NRXN3: variants seen among roughly 807,000 people sequenced by gnomAD.
The protein encoded by NRXN3 is neurexin 3.
In NRXN3, 32 loss-of-function variants were observed where a neutral mutation model predicts 137.6. The ratio of observed to expected loss-of-function variants is 0.23; its 90% CI spans 0.18 to 0.31. The LOEUF is 0.31. Ranked by LOEUF, NRXN3 falls within the 10% of genes least tolerant of loss-of-function variation. The probability of loss-of-function intolerance (pLI) is 1.00; values close to 1 mark genes in which losing one functional copy is unlikely to be tolerated. For synonymous variants in NRXN3, 798 were observed against 784.5 expected, an observed-to-expected ratio of 1.02 and a Z score of -0.29; for missense variants, 1,574 against 2,062.5, an observed-to-expected ratio of 0.76 and a Z score of 4.59.
intron 16 of NRXN3, among the ~76,000 whole-genome samples, chr14:79,502,870 C>G (rs1382275357): frequency 1.3e-5 from 2 of 151,878 alleles, no homozygotes; most frequent in East Asian, 3.9e-4. Flanking sequence ...CATTTGCCAT[C>G]AGATTTAGAG....
chr14:79,663,306 A>G (rs767235852), intron 16 of NRXN3, among the ~76,000 whole-genome samples: 1 of 151,846 alleles, frequency 6.6e-6, no homozygotes, highest in South Asian at 2.1e-4. Flanking sequence ...CCCCTCTGAC[A>G]TTGGCTCCTA....
chr14:79,487,189 C>G (rs1234644836), intron 16 of NRXN3, among the ~76,000 whole-genome samples: 1 of 152,110 alleles, frequency 6.6e-6, no homozygotes, highest in African/African-American at 2.4e-5. Context: ...TAAATGACAC[C>G]TGTAAAGCAC....
intron 15 of NRXN3, among the ~76,000 whole-genome samples, chr14:79,052,423 A>T (rs915458036): frequency 2.0e-5 from 3 of 152,196 alleles, no homozygotes; most frequent in African/African-American, 7.2e-5. Context: ...AGACTTGCGG[A>T]TCTCATTTAC....
chr14:79,239,214 G>A (rs1228210318), intron 15 of NRXN3, among the ~76,000 whole-genome samples: 4 of 152,114 alleles, frequency 2.6e-5, no homozygotes, highest in Non-Finnish European at 5.9e-5. Context: ...CAATGTGAAT[G>A]TATTATAGTC....
intron 4 of NRXN3, among the ~76,000 whole-genome samples, chr14:78,357,271 G>A (rs945684260): frequency 6.6e-6 from 1 of 152,102 alleles, no homozygotes; most frequent in Non-Finnish European, 1.5e-5. Flanking sequence ...GAACTTGTGC[G>A]GGCAAACTCC....
rs538357608 is a variant in NRXN3 at position 79,577,653 on chromosome 14, T to C, written c.3445-86125T>C. 2.6e-5 allele frequency among the ~76,000 whole-genome samples: 4 copies of C among 152,338 alleles called. No homozygotes were observed. In the East Asian group the frequency reaches 7.7e-4, roughly 29 times the overall value. ...CAAAACTTTCTGCCTCATTGGACAA[T>C]AAACTCCTCAAGTGCAGAGATCTTG... is the stretch of plus-strand genomic sequence containing the variant. On this transcript the variant is annotated intron_variant, in intron 16 of 20. Coordinates refer to ENST00000335750, the MANE Select transcript of NRXN3 (RefSeq NM_001330195.2).
rs117140768 is a variant in NRXN3 at position 79,743,294 on chromosome 14, C to G, written c.4014+45357C>G. On this transcript the variant is annotated intron_variant, in intron 19 of 20. Coordinates refer to ENST00000335750, the MANE Select transcript of NRXN3 (RefSeq NM_001330195.2). ...TGTCGGTGGGTCACAACTTCCTAGA[C>G]TTCATTTTTCCCTCATTAAAATCAA... Among the ~76,000 whole-genome samples the G allele has an allele frequency of 9.5e-4, 144 of 152,264 alleles. 1 individual carries two copies. Among genetic ancestry groups the G allele is most frequent in the Non-Finnish European group, 1.4e-3 (94 of 68,022 alleles).
chr14:79,845,258 A>G (rs1362229066), intron 20 of NRXN3, among the ~76,000 whole-genome samples: 1 of 152,208 alleles, frequency 6.6e-6, no homozygotes, highest in African/African-American at 2.4e-5. Context: ...TTACTTTCTT[A>G]TCATTCGGGT....
intron 16 of NRXN3, among the ~76,000 whole-genome samples, chr14:79,579,002 A>G (rs145916164): frequency 5.3e-4 from 80 of 152,222 alleles, no homozygotes; most frequent in Non-Finnish European, 1.0e-3. Context: ...TTCTCACCAT[A>G]TTTTAAAATT....
chr14:78,538,922 A>G (rs1420487788), intron 4 of NRXN3, among the ~76,000 whole-genome samples: 6 of 152,074 alleles, frequency 3.9e-5, no homozygotes, highest in Admixed American at 3.9e-4. Flanking sequence ...ACGTTTATTG[A>G]TTTGTGTATC....
chr14:79,581,619 A>C (rs1354431167), intron 16 of NRXN3, among the ~76,000 whole-genome samples: 5 of 152,034 alleles, frequency 3.3e-5, no homozygotes, highest in Admixed American at 6.5e-5. Context: ...ACTTATCTTA[A>C]TTGATCTCAA....
intron 19 of NRXN3, among the ~76,000 whole-genome samples, chr14:79,710,675 GTTTGAC>G (rs1418924961): frequency 6.6e-6 from 1 of 152,164 alleles, no homozygotes; most frequent in Non-Finnish European, 1.5e-5. Context: ...TTCAATTTTA[GTTTGAC>G]TTTGAATTTC....
intron 17 of NRXN3, among the ~76,000 whole-genome samples, chr14:79,690,133 C>A (rs2098710800): frequency 6.6e-6 from 1 of 152,118 alleles, no homozygotes; most frequent in Non-Finnish European, 1.5e-5. Flanking sequence ...TGTCTAAAAC[C>A]CTAGAGGATG....
At chr14:79,215,252 C>T (rs903268567) in intron 15 of NRXN3, among the ~76,000 whole-genome samples, 4 of 152,074 alleles carry the variant, frequency 2.6e-5, no homozygotes, top group Non-Finnish European at 5.9e-5. Flanking sequence ...ATGGCCCATC[C>T]CAGCACTATT....
chr14:79,241,505 T>C (rs2074286788), intron 15 of NRXN3, among the ~76,000 whole-genome samples: 1 of 151,994 alleles, frequency 6.6e-6, no homozygotes, highest in African/African-American at 2.4e-5. Context: ...TATATAACCA[T>C]CAGATCTCAT....
intron 4 of NRXN3, among the ~76,000 whole-genome samples, chr14:78,298,662 T>G (rs2076593754): frequency 6.6e-6 from 1 of 152,214 alleles, no homozygotes; most frequent in Non-Finnish European, 1.5e-5. Flanking sequence ...GTCTTTTCCT[T>G]CACAGTTCAA....
At chr14:79,617,136 T>C (rs2098165798) in intron 16 of NRXN3, among the ~76,000 whole-genome samples, 1 of 152,156 alleles carries the variant, frequency 6.6e-6, no homozygotes, top group African/African-American at 2.4e-5. Context: ...TCAACTAGGT[T>C]GACTCCAGGA....
intron 10 of NRXN3, among the ~76,000 whole-genome samples, chr14:78,819,255 T>G (rs1223109180): frequency 6.6e-6 from 1 of 152,172 alleles, no homozygotes; most frequent in Admixed American, 6.6e-5. Context: ...ATATACAAGG[T>G]GACAAATTCT....
intron 15 of NRXN3, among the ~76,000 whole-genome samples, chr14:79,342,760 C>T (rs2092676162): frequency 6.6e-6 from 1 of 152,168 alleles, no homozygotes; most frequent in African/African-American, 2.4e-5. Flanking sequence ...AACCAAGTCA[C>T]TGACATGTAA....
Sources: gnomAD v4.1 joint callset for allele counts (sites outside exome capture counted in the v4.1 genomes callset) on GRCh38, gnomAD v4.1.1 for gene constraint, MANE v1.5 for transcripts, NCBI Gene and HGNC (gene_info 2026-07-23, HGNC 2026-07-21) for gene names.